Variants in TMEM132C observed in about 807,000 individuals in gnomAD.
TMEM132C encodes the protein transmembrane protein 132C.
TMEM132C carries 29 observed loss-of-function variants against 61.4 expected under a neutral mutation model. That is an observed-to-expected ratio of 0.47 (90% CI 0.35 to 0.64). The LOEUF is 0.64. Among genes scored for constraint, TMEM132C ranks in the 30% least tolerant of loss-of-function variants. The pLI, the probability that TMEM132C is intolerant of heterozygous loss-of-function variation, is 0.00. For synonymous variants in TMEM132C, 656 were observed against 633.1 expected, an observed-to-expected ratio of 1.04 and a Z score of -0.54; for missense variants, 1,408 against 1,476.9, an observed-to-expected ratio of 0.95 and a Z score of 0.76.
chr12:128,483,316 A>G (rs1871376586), intron 2 of TMEM132C, among the ~76,000 whole-genome samples: 1 of 74,842 alleles, frequency 1.3e-5, no homozygotes, highest in African/African-American at 5.2e-5. Context: ...AGGTGAGGGG[A>G]GAGGAGGGGA....
chr12:128,636,653 GT>G (rs1954106920), intron 4 of TMEM132C, among the ~76,000 whole-genome samples: 1 of 151,068 alleles, frequency 6.6e-6, no homozygotes, highest in African/African-American at 2.4e-5. Context: ...CTAGTTTTAA[GT>G]GCATAACACC....
intron 1 of TMEM132C, among the ~76,000 whole-genome samples, chr12:128,277,401 T>A (rs1436367713): frequency 6.6e-6 from 1 of 152,196 alleles, no homozygotes; most frequent in Admixed American, 6.5e-5. Context: ...GCTTATATTC[T>A]GTCCACACAG....
Position 128,508,710 on chromosome 12 carries a change from C to G in TMEM132C, c.975-35247C>G, listed in dbSNP as rs376630138. On this transcript the variant is annotated intron_variant, in intron 2 of 8. Coordinates refer to ENST00000435159, the MANE Select transcript of TMEM132C (RefSeq NM_001136103.3). The stretch of plus-strand genomic sequence containing the variant: ...GGGCTCTCCCTTGTTCCAGTGTCCC[C>G]TCCTTAAGGAGAGCTGCCCTTCATT... Among the ~76,000 whole-genome samples, 3 of 152,344 alleles carry G rather than the reference C, an allele frequency of 2.0e-5. No homozygotes were observed. The East Asian group carries it at 5.8e-4, about 29-fold the overall frequency.
chr12:128,639,454 G>C (rs1428189124), intron 4 of TMEM132C, among the ~76,000 whole-genome samples: 1 of 152,096 alleles, frequency 6.6e-6, no homozygotes, highest in Non-Finnish European at 1.5e-5. Flanking sequence ...GATAATCATG[G>C]TCATGGTCAT....
chr12:128,572,798 G>A (rs1254800447), intron 3 of TMEM132C, among the ~76,000 whole-genome samples: 1 of 152,192 alleles, frequency 6.6e-6, no homozygotes, highest in East Asian at 1.9e-4. Context: ...GCCAGGCCTG[G>A]GTCACATGCC....
At chr12:128,579,688 T>C (rs1324253656) in intron 3 of TMEM132C, among the ~76,000 whole-genome samples, 1 of 152,162 alleles carries the variant, frequency 6.6e-6, no homozygotes, top group Non-Finnish European at 1.5e-5. Flanking sequence ...AGAGAAATGA[T>C]GCACGTGCTC....
In TMEM132C at chr12:128,619,100, T is replaced by A. The variant is rs147080912; in HGVS notation, c.1305+2765T>A. Among the ~76,000 whole-genome samples, 799 of 152,162 alleles carry A rather than the reference T, an allele frequency of 5.3e-3. 6 individuals carry two copies. Among genetic ancestry groups the A allele is most frequent in the African/African-American group, 0.018 (755 of 41,512 alleles). On this transcript the variant is annotated intron_variant, in intron 4 of 8. Transcript: ENST00000435159. ...AGCTTTGACTAGAAGATGAGAAATT[T>A]AAAAAAAATTACTGAGCACAAAGCA... is the stretch of plus-strand genomic sequence containing the variant.
At chr12:128,396,810 C>T (rs1489098658) in intron 1 of TMEM132C, among the ~76,000 whole-genome samples, 1 of 152,190 alleles carries the variant, frequency 6.6e-6, no homozygotes, top group Admixed American at 6.5e-5. Context: ...GAGCTGCCCT[C>T]TCCACAGAGC....
At chr12:128,268,116 TG>T (rs1362319404) in intron 1 of TMEM132C, among the ~76,000 whole-genome samples, 3 of 151,990 alleles carry the variant, frequency 2.0e-5, no homozygotes, top group Non-Finnish European at 4.4e-5. Context: ...TCCTTTGCGG[TG>T]GGGGAGCGCG....
chr12:128,660,024 C>A (rs1448552821), intron 4 of TMEM132C, among the ~76,000 whole-genome samples: 1 of 152,234 alleles, frequency 6.6e-6, no homozygotes, highest in African/African-American at 2.4e-5. Context: ...GTCGTCTCTT[C>A]ACCCTTCAAA....
intron 5 of TMEM132C, among the ~76,000 whole-genome samples, chr12:128,674,554 A>G (rs1954564248): frequency 1.3e-5 from 2 of 152,150 alleles, no homozygotes; most frequent in Admixed American, 6.5e-5. Context: ...AAGTGGCTAT[A>G]CCATTTTGCA....
At chr12:128,686,108 A>G (rs958787052) in intron 5 of TMEM132C, among the ~76,000 whole-genome samples, 13 of 90,578 alleles carry the variant, frequency 1.4e-4, no homozygotes, top group African/African-American at 3.5e-4. Context: ...ATGTGTGTGC[A>G]TGTGTGTGTG....
chr12:128,442,565 C>G (rs986356503), intron 2 of TMEM132C, among the ~76,000 whole-genome samples: 3 of 147,584 alleles, frequency 2.0e-5, no homozygotes, highest in African/African-American at 7.5e-5. Context: ...CTGGCCTGGA[C>G]TTTTTGTAAT....
chr12:128,626,618 T>C (rs1319365592), intron 4 of TMEM132C, among the ~76,000 whole-genome samples: 1 of 151,620 alleles, frequency 6.6e-6, no homozygotes, highest in Non-Finnish European at 1.5e-5. Flanking sequence ...CTAATTTTTG[T>C]ATTTTTAACA....
At chr12:128,400,243 G>C (rs942025046) in intron 1 of TMEM132C, 3 of 152,262 alleles carry the variant, frequency 2.0e-5, no homozygotes, top group Admixed American at 2.0e-4. Flanking sequence ...TAAAAGCACA[G>C]CCCCTTCCCT....
At chr12:128,323,601 T>A (rs1167948013) in intron 1 of TMEM132C, among the ~76,000 whole-genome samples, 2 of 152,206 alleles carry the variant, frequency 1.3e-5, no homozygotes, top group Non-Finnish European at 2.9e-5. Context: ...TACTGATAGA[T>A]GCACCTCTGT....
At chr12:128,584,961 G>A (rs902362068) in intron 3 of TMEM132C, among the ~76,000 whole-genome samples, 6 of 152,178 alleles carry the variant, frequency 3.9e-5, no homozygotes, top group Non-Finnish European at 7.3e-5. Context: ...GCAGCATCAT[G>A]TCTGCCAATT....
intron 5 of TMEM132C, among the ~76,000 whole-genome samples, chr12:128,684,045 C>T (rs1954656001): frequency 1.3e-5 from 2 of 151,954 alleles, no homozygotes; most frequent in Non-Finnish European, 2.9e-5. Flanking sequence ...TTCCTGGAAC[C>T]GTCTTCCCCC....
chr12:128,475,113 A>G (rs1458374424), intron 2 of TMEM132C, among the ~76,000 whole-genome samples: 1 of 152,126 alleles, frequency 6.6e-6, no homozygotes, highest in East Asian at 1.9e-4. Context: ...GCAGGGCTTC[A>G]ACTCCAGGGA....
Sources: allele counts gnomAD v4.1 joint callset (sites outside exome capture counted in the v4.1 genomes callset), GRCh38; gene constraint gnomAD v4.1.1; transcripts MANE v1.5; gene names NCBI Gene and HGNC (gene_info 2026-07-23, HGNC 2026-07-21).